The following GPR83 variants were observed in gnomAD, a reference collection of about 807,000 sequenced individuals.
GPR83 encodes the protein G-protein coupled receptor 72.
In GPR83, 23 loss-of-function variants were observed where a neutral mutation model predicts 28.0. That is an observed-to-expected ratio of 0.82 (90% CI 0.59 to 1.16). The LOEUF is 1.16. Ranked by LOEUF, GPR83 falls within the 50% of genes most tolerant of loss-of-function variation. GPR83 has a pLI of 0.00. For missense variants in GPR83, 610 were observed against 536.6 expected, an observed-to-expected ratio of 1.14 and a Z score of -1.35; for synonymous variants, 234 against 215.4, an observed-to-expected ratio of 1.09 and a Z score of -0.76.
At chr11:94,388,224 TG>T (rs1224036977) in intron 3 of GPR83, among the ~76,000 whole-genome samples, 8 of 152,214 alleles carry the variant, frequency 5.3e-5, no homozygotes, top group Non-Finnish European at 1.2e-4. Context: ...TCATTCTGAA[TG>T]GGCAAAAACT....
rs551620715 is a variant in GPR83 at position 94,388,526 on chromosome 11, A to G, written c.647+4959T>C. On this transcript the variant is annotated intron_variant, in intron 3 of 3. Transcript: ENST00000243673. Reference sequence around the variant, plus strand: ...AAATCACAAGCATTCTTATACACCAATAACAGACAAACAGAGAGCCAAATC... The same window carrying G: ...AAATCACAAGCATTCTTATACACCAGTAACAGACAAACAGAGAGCCAAATC... 2.0e-5 allele frequency among the ~76,000 whole-genome samples: 3 copies of G among 152,330 alleles called. No individual in the cohort carries two copies. In the South Asian group the frequency reaches 6.2e-4, roughly 32 times the overall value.
chr11:94,395,239 A>G (rs1944854929), intron 2 of GPR83, among the ~76,000 whole-genome samples: 1 of 152,198 alleles, frequency 6.6e-6, no homozygotes. Context: ...CCTCCCAGGC[A>G]GGTTTGTCCA....
chr11:94,383,358 C>G (rs1331174757), intron 3 of GPR83, among the ~76,000 whole-genome samples: 3 of 152,100 alleles, frequency 2.0e-5, no homozygotes, highest in Admixed American at 2.0e-4. Context: ...AAATTTATAG[C>G]ACTAAGTGCC....
At chr11:94,389,240 A>T (rs1182563676) in intron 3 of GPR83, among the ~76,000 whole-genome samples, 1 of 152,240 alleles carries the variant, frequency 6.6e-6, no homozygotes, top group Non-Finnish European at 1.5e-5. Flanking sequence ...AACCTAGGCA[A>T]TACCATTCAG....
At chr11:94,384,940 C>T (rs1944734249) in intron 3 of GPR83, among the ~76,000 whole-genome samples, 1 of 152,226 alleles carries the variant, frequency 6.6e-6, no homozygotes, top group African/African-American at 2.4e-5. Flanking sequence ...ACCTGGGAGG[C>T]AACCCCCAGG....
intron 3 of GPR83, among the ~76,000 whole-genome samples, chr11:94,387,100 G>T (rs1405942302): frequency 6.6e-6 from 1 of 152,164 alleles, no homozygotes; most frequent in African/African-American, 2.4e-5. Flanking sequence ...TGAAATGAAG[G>T]CAGAAATAAA....
chr11:94,393,274 A>T (rs1944835077), intron 3 of GPR83, among the ~76,000 whole-genome samples: 1 of 152,194 alleles, frequency 6.6e-6, no homozygotes, highest in Non-Finnish European at 1.5e-5. Flanking sequence ...AATAAGGGAG[A>T]AGCTAAAGAA....
intron 3 of GPR83, among the ~76,000 whole-genome samples, chr11:94,387,769 T>G (rs1285642216): frequency 6.6e-6 from 1 of 152,294 alleles, no homozygotes; most frequent in East Asian, 1.9e-4. Context: ...GCTGGTACCA[T>G]TCCTTCTGAA....
chr11:94,390,862 T>C (rs1171217942), intron 3 of GPR83, among the ~76,000 whole-genome samples: 1 of 152,148 alleles, frequency 6.6e-6, no homozygotes, highest in Non-Finnish European at 1.5e-5. Flanking sequence ...TGCTCATGGA[T>C]AGGAAGAATC....
chr11:94,389,477 AG>A (rs1944793083), intron 3 of GPR83, among the ~76,000 whole-genome samples: 1 of 152,228 alleles, frequency 6.6e-6, no homozygotes, highest in Non-Finnish European at 1.5e-5. Flanking sequence ...CAAATTTACA[AG>A]AAAAATCAAC....
chr11:94,381,745 C>T (rs1944692543), intron 3 of GPR83, among the ~76,000 whole-genome samples: 1 of 152,146 alleles, frequency 6.6e-6, no homozygotes, highest in Non-Finnish European at 1.5e-5. Flanking sequence ...CGATTCACTA[C>T]AGCCATAATT....
At chr11:94,394,791 G>A (rs563808247) in intron 2 of GPR83, among the ~76,000 whole-genome samples, 5 of 152,328 alleles carry the variant, frequency 3.3e-5, no homozygotes, top group Admixed American at 3.3e-4. Context: ...GAGGCTCCAA[G>A]CACTTCTCAA....
At chr11:94,385,199 C>T (rs941305173) in intron 3 of GPR83, among the ~76,000 whole-genome samples, 6 of 152,076 alleles carry the variant, frequency 3.9e-5, no homozygotes, top group East Asian at 1.9e-4. Flanking sequence ...CCCATCTGTA[C>T]GTCACCATCA....
At chr11:94,389,041 C>A (rs990861078) in intron 3 of GPR83, among the ~76,000 whole-genome samples, 3 of 151,870 alleles carry the variant, frequency 2.0e-5, no homozygotes, top group African/African-American at 4.8e-5. Context: ...CTATCTGGTC[C>A]TTGACAAACC....
intron 3 of GPR83, among the ~76,000 whole-genome samples, chr11:94,389,055 C>G (rs1370477391): frequency 6.6e-6 from 1 of 151,938 alleles, no homozygotes; most frequent in African/African-American, 2.4e-5. Flanking sequence ...ACAAACCTGA[C>G]AAAAACAAGA....
chr11:94,393,029 G>A lies in GPR83; in HGVS notation c.647+456C>T, dbSNP rs145853293. On this transcript the variant is annotated intron_variant, in intron 3 of 3. Coordinates refer to ENST00000243673, the MANE Select transcript of GPR83 (RefSeq NM_016540.4). ...AAAAACTGAGTGTTGAAAGAAAGAC[G>A]TTCTCATTCAGTGATAGCATATGAT... 2.9e-3 allele frequency among the ~76,000 whole-genome samples: 436 copies of A among 152,198 alleles called. 3 individuals carry two copies. Among genetic ancestry groups the A allele is most frequent in the African/African-American group, 9.9e-3 (412 of 41,520 alleles).
intron 3 of GPR83, among the ~76,000 whole-genome samples, chr11:94,381,558 A>AGTGAGTGTGT (rs1554991068): frequency 3.4e-5 from 5 of 148,054 alleles, no homozygotes; most frequent in Non-Finnish European, 7.4e-5. Context: ...GGAGTGAGTG[A>AGTGAGTGTGT]GTGTGTGTGT....
chr11:94,393,722 A>T, intron 2 of GPR83, 104 bp from the exon 3 acceptor site: 1 of 1,009,754 alleles, frequency 9.9e-7, no homozygotes, highest in Admixed American at 2.0e-5. Flanking sequence ...GCACTTTGGG[A>T]GTCTGAGGCA....
chr11:94,389,656 A>G (rs1362433868), intron 3 of GPR83, among the ~76,000 whole-genome samples: 1 of 152,238 alleles, frequency 6.6e-6, no homozygotes, highest in African/African-American at 2.4e-5. Context: ...CAATCATTAA[A>G]AAGTCAGGAA....
Sources: allele counts gnomAD v4.1 joint callset (sites outside exome capture counted in the v4.1 genomes callset), GRCh38; gene constraint gnomAD v4.1.1; transcripts MANE v1.5; gene names NCBI Gene and HGNC (gene_info 2026-07-23, HGNC 2026-07-21).